Variants in AFF2 observed in about 807,000 individuals in gnomAD.
AFF2 encodes ALF transcription elongation factor 2.
A neutral mutation model predicts 76.9 loss-of-function variants in AFF2; 14 were observed. The ratio of observed to expected loss-of-function variants is 0.18; its 90% CI spans 0.12 to 0.28. The LOEUF is 0.28. Ranked by LOEUF, AFF2 falls within the 10% of genes least tolerant of loss-of-function variation. The pLI, the probability that AFF2 is intolerant of heterozygous loss-of-function variation, is 1.00. For missense variants in AFF2, 868 were observed against 1,001.1 expected (o/e 0.87, Z 1.79); for synonymous variants, 398 against 366.7 (o/e 1.09, Z -0.98).
At chrX:148,892,455 G>T (rs894214286) in intron 8 of AFF2, among the ~76,000 whole-genome samples, 1 of 110,788 alleles carries the variant, frequency 9.0e-6, no homozygotes, top group Admixed American at 9.7e-5. Flanking sequence ...GTTTGGTGGT[G>T]GTCATGGTCA....
intron 3 of AFF2, among the ~76,000 whole-genome samples, chrX:148,765,864 CCCA>C (rs1458685311): frequency 1.4e-5 from 1 of 72,570 alleles, no homozygotes; most frequent in Non-Finnish European, 2.5e-5. Context: ...CTCCCCCCAC[CCCA>C]CAACAGTCCC....
intron 3 of AFF2, among the ~76,000 whole-genome samples, chrX:148,703,709 G>A (rs1205068735): frequency 2.7e-5 from 3 of 111,191 alleles, no homozygotes; most frequent in Non-Finnish European, 5.7e-5. Context: ...CCCTCTTCTT[G>A]CTACCTATGC....
chrX:148,618,857 T>C (rs1362659922), intron 1 of AFF2, among the ~76,000 whole-genome samples: 4 of 110,873 alleles, frequency 3.6e-5, no homozygotes, highest in Non-Finnish European at 5.7e-5. Context: ...AACAAGACTT[T>C]TGGTACTGAA....
At chrX:148,617,754 C>T (rs73249429) in intron 1 of AFF2, among the ~76,000 whole-genome samples, 1 of 112,220 alleles carries the variant, frequency 8.9e-6, no homozygotes, top group African/African-American at 3.2e-5. Flanking sequence ...ATAGAATCAG[C>T]GTGTAAGAAG....
At chrX:148,923,673 G>T (rs2071620233) in intron 9 of AFF2, among the ~76,000 whole-genome samples, 1 of 111,547 alleles carries the variant, frequency 9.0e-6, no homozygotes, top group Non-Finnish European at 1.9e-5. Flanking sequence ...ACAGCACAGA[G>T]AATAGAAAAA....
intron 3 of AFF2, among the ~76,000 whole-genome samples, chrX:148,799,563 C>T (rs150859155): frequency 7.5e-4 from 84 of 111,952 alleles, no homozygotes; most frequent in African/African-American, 2.6e-3. Context: ...AAGAAAATCA[C>T]ATAAAAGCTA....
At chrX:148,599,541 A>G (rs964988137) in intron 1 of AFF2, among the ~76,000 whole-genome samples, 1 of 111,112 alleles carries the variant, frequency 9.0e-6, no homozygotes, top group Non-Finnish European at 1.9e-5. Context: ...CTGAAAAACA[A>G]AACAGGCAGA....
chrX:148,946,685 T>C (rs1194178444), intron 9 of AFF2, among the ~76,000 whole-genome samples: 1 of 112,484 alleles, frequency 8.9e-6, no homozygotes, highest in Non-Finnish European at 1.9e-5. Context: ...TCTTGCTGGC[T>C]GTTAACTGAG....
At chrX:148,820,786 A>G (rs1451740827) in intron 4 of AFF2, among the ~76,000 whole-genome samples, 2 of 111,971 alleles carry the variant, frequency 1.8e-5, no homozygotes, top group East Asian at 5.6e-4. Context: ...ATGCATGTTT[A>G]CCCCCTGAAC....
chrX:148,891,830 T>A (rs188877837), intron 8 of AFF2, among the ~76,000 whole-genome samples: 1 of 111,985 alleles, frequency 8.9e-6, no homozygotes, highest in East Asian at 2.8e-4. Context: ...ATAAAAGAGA[T>A]GGGTCTTGTT....
chrX:148,631,427 G>A (rs1471425572), intron 1 of AFF2, among the ~76,000 whole-genome samples: 1 of 55 alleles, frequency 0.018, no homozygotes, highest in Non-Finnish European at 0.043. Context: ...AGGGCAATGC[G>A]CAACCTGACT....
intron 3 of AFF2, among the ~76,000 whole-genome samples, chrX:148,761,601 G>A: frequency 9.2e-6 from 1 of 108,796 alleles, no homozygotes; most frequent in East Asian, 2.9e-4. Flanking sequence ...TCATTCATTT[G>A]TTTATTCAAC....
intron 1 of AFF2, among the ~76,000 whole-genome samples, chrX:148,593,898 C>G (rs1425812765): frequency 9.0e-6 from 1 of 111,040 alleles, no homozygotes; most frequent in Non-Finnish European, 1.9e-5. Context: ...GAACCAGAAC[C>G]CTTACCAGCT....
At chrX:148,670,895 T>G (rs2054415514) in intron 3 of AFF2, among the ~76,000 whole-genome samples, 1 of 112,225 alleles carries the variant, frequency 8.9e-6, no homozygotes, top group African/African-American at 3.2e-5. Context: ...TCCTCCATTT[T>G]TTTCATTGGC....
intron 3 of AFF2, among the ~76,000 whole-genome samples, chrX:148,669,191 C>T (rs1307920907): frequency 8.9e-6 from 1 of 111,808 alleles, no homozygotes; most frequent in Non-Finnish European, 1.9e-5. Flanking sequence ...GACCACCTCA[C>T]CCTGGATTTC....
intron 11 of AFF2, 77 bp downstream of exon 11, chrX:148,956,690 C>A: frequency 9.9e-7 from 1 of 1,007,323 alleles, no homozygotes; most frequent in African/African-American, 1.9e-5. Context: ...TGAGCCTCAT[C>A]TTCAAGGAAG....
intron 3 of AFF2, among the ~76,000 whole-genome samples, chrX:148,790,898 C>T (rs2069885065): frequency 8.9e-6 from 1 of 111,879 alleles, no homozygotes; most frequent in African/African-American, 3.2e-5. Context: ...ATTGCAAGGT[C>T]TATGCACTTT....
rs80345102 is a variant in AFF2, at chrX:148,663,889, G to A, written c.1041+1121G>A. On this transcript the variant is annotated intron_variant, in intron 3 of 20. Transcript: ENST00000370460. Reference sequence around the variant, plus strand: ...TCAGAGGACGATGGGAACATAAAGGGAGGGAGGCCTGGGGCTGTTGACTAT... The same window carrying A: ...TCAGAGGACGATGGGAACATAAAGGAAGGGAGGCCTGGGGCTGTTGACTAT... Among the ~76,000 whole-genome samples, 29 of 112,131 alleles carry A rather than the reference G, an allele frequency of 2.6e-4. No individual in the cohort carries two copies. The East Asian group carries it at 7.9e-3, about 30-fold the overall frequency.
intron 3 of AFF2, among the ~76,000 whole-genome samples, chrX:148,795,073 A>C (rs186587636): frequency 1.2e-3 from 134 of 112,332 alleles, no homozygotes; most frequent in Middle Eastern, 9.2e-3. Flanking sequence ...TGGGAGGGGG[A>C]TAACAGATGG....
Sources: gnomAD v4.1 joint callset for allele counts (sites outside exome capture counted in the v4.1 genomes callset) on GRCh38, gnomAD v4.1.1 for gene constraint, MANE v1.5 for transcripts, NCBI Gene and HGNC (gene_info 2026-07-23, HGNC 2026-07-21) for gene names.